Variants in MRE11 observed in about 807,000 individuals in gnomAD.
MRE11 encodes the protein double-strand break repair protein MRE11.
A neutral mutation model predicts 91.7 loss-of-function variants in MRE11; 62 were observed. The ratio of observed to expected loss-of-function variants is 0.68; its 90% CI spans 0.55 to 0.84. The LOEUF (loss-of-function observed/expected upper bound fraction) is 0.84. MRE11 is among the 40% of genes least tolerant of loss of function. The pLI is 0.00. For missense variants in MRE11, 796 were observed against 852.9 expected, an observed-to-expected ratio of 0.93 and a Z score of 0.83; for synonymous variants, 273 against 271.4, an observed-to-expected ratio of 1.01 and a Z score of -0.06.
chr11:94,471,333 C>T (rs988009960), intron 8 of MRE11, among the ~76,000 whole-genome samples: 1 of 151,938 alleles, frequency 6.6e-6, no homozygotes, highest in Non-Finnish European at 1.5e-5. Context: ...AAATGTGCAT[C>T]TTGAATTTGC....
rs7940374 is a variant in MRE11, at chr11:94,416,958, A to G, written c.*3167T>C. On this transcript the variant is annotated 3_prime_UTR_variant, in exon 20 of 20. Transcript: ENST00000323929. ...CGCTTTTAAATTCTATATTTCCAAAAAAGATATTTTACATTTAGATACTTT... is the reference window on the plus strand; with the variant it reads ...CGCTTTTAAATTCTATATTTCCAAAGAAGATATTTTACATTTAGATACTTT... 151,884 of 151,886 alleles carry G rather than the reference A, an allele frequency of 1. 75,941 individuals carry two copies. Among genetic ancestry groups the G allele is most frequent in the Non-Finnish European group, 1 (67,988 of 67,988 alleles). 9.4% of individuals were successfully genotyped at this position (151,886 alleles called of 1,614,324 possible). A position where few individuals can be genotyped will look rare whatever the true frequency, so the allele number is the denominator to read the frequency against.
intron 17 of MRE11, among the ~76,000 whole-genome samples, chr11:94,436,811 G>A (rs1454864680): frequency 6.6e-6 from 1 of 152,182 alleles, no homozygotes; most frequent in Non-Finnish European, 1.5e-5. Flanking sequence ...GGCACAGCTA[G>A]TATTTTGGGA....
chr11:94,426,995 C>T (rs1270777352), intron 19 of MRE11, among the ~76,000 whole-genome samples: 2 of 152,130 alleles, frequency 1.3e-5, no homozygotes, highest in African/African-American at 4.8e-5. Flanking sequence ...ACCAATCCTA[C>T]AGAAATTATT....
chr11:94,475,278 C>T (rs1946821398), intron 7 of MRE11: 1 of 171,110 alleles, frequency 5.8e-6, no homozygotes, highest in East Asian at 1.5e-4. Flanking sequence ...ACAGTATTTA[C>T]ATTGTATCAG....
chr11:94,479,793 T>G (rs1054916236), intron 4 of MRE11, 32 bp from the exon 5 acceptor site: 2 of 1,565,572 alleles, frequency 1.3e-6, no homozygotes, highest in Non-Finnish European at 1.7e-6. Flanking sequence ...AAAATTTCCA[T>G]ACGGGACAAA....
At chr11:94,480,926 T>C (rs529445417) in intron 4 of MRE11, among the ~76,000 whole-genome samples, 1 of 152,344 alleles carries the variant, frequency 6.6e-6, no homozygotes, top group South Asian at 2.1e-4. Context: ...GCACTCAGGA[T>C]TGAGAGTCAC....
chr11:94,468,367 T>C (rs532652658), intron 9 of MRE11, among the ~76,000 whole-genome samples: 1 of 152,186 alleles, frequency 6.6e-6, no homozygotes, highest in South Asian at 2.1e-4. Flanking sequence ...AGGATAAGAT[T>C]ATAACATCTT....
At position 94,418,730 on chromosome 11, in the gene MRE11, A is replaced by T. The variant is rs1311978871; in HGVS notation, c.*1395T>A. 2 of 232,394 alleles carry T rather than the reference A, an allele frequency of 8.6e-6. No individual in the cohort carries two copies. Among genetic ancestry groups the T allele is most frequent in the Non-Finnish European group, 8.5e-6 (1 of 117,544 alleles). 14.4% of individuals were successfully genotyped at this position (232,394 alleles called of 1,614,324 possible). ...TCTGCCTAAGAATATTTCACAGGACAATGCCTTCCACTGAGTTAATGTTAC... is the reference window on the plus strand; with the variant it reads ...TCTGCCTAAGAATATTTCACAGGACTATGCCTTCCACTGAGTTAATGTTAC... On this transcript the variant is annotated 3_prime_UTR_variant, in exon 20 of 20. Coordinates refer to ENST00000323929, the MANE Select transcript of MRE11 (RefSeq NM_005591.4).
At chr11:94,444,574 T>C (rs534250607) in intron 16 of MRE11, among the ~76,000 whole-genome samples, 1 of 152,310 alleles carries the variant, frequency 6.6e-6, no homozygotes, top group South Asian at 2.1e-4. Context: ...GCAAGACTCA[T>C]TAAATGCTGT....
At chr11:94,465,936 T>C (rs1946549543) in intron 10 of MRE11, among the ~76,000 whole-genome samples, 1 of 152,008 alleles carries the variant, frequency 6.6e-6, no homozygotes, top group Admixed American at 6.6e-5. Context: ...AACAGATCAC[T>C]GGAAGCAGAC....
chr11:94,463,967 CAA>C (rs1194619557), intron 11 of MRE11, 144 bp downstream of exon 11: 14 of 878,750 alleles, frequency 1.6e-5, no homozygotes, highest in Non-Finnish European at 2.2e-5. Flanking sequence ...TTTTAGAAGA[CAA>C]GAGAATTATT....
At chr11:94,476,212 A>T in intron 7 of MRE11, 77 bp downstream of exon 7, 1 of 897,118 alleles carries the variant, frequency 1.1e-6, no homozygotes, top group Non-Finnish European at 1.9e-6. Flanking sequence ...AGGGCATTTC[A>T]CTAAAATAGG....
chr11:94,425,488 C>T (rs924543278), intron 19 of MRE11, among the ~76,000 whole-genome samples: 6 of 152,156 alleles, frequency 3.9e-5, no homozygotes, highest in African/African-American at 1.4e-4. Context: ...GGATCGAAAT[C>T]TCATATATCA....
chr11:94,495,563 G>T (rs1947405734), upstream of MRE11, among the ~76,000 whole-genome samples: 1 of 152,168 alleles, frequency 6.6e-6, no homozygotes, highest in Non-Finnish European at 1.5e-5. Context: ...AAATAGAGTT[G>T]AGAGGCTGGG....
upstream of MRE11, among the ~76,000 whole-genome samples, chr11:94,494,838 G>C (rs972855253): frequency 5.3e-5 from 8 of 152,268 alleles, no homozygotes; most frequent in Middle Eastern, 3.4e-3. Flanking sequence ...TACTATATTT[G>C]ATATAATTAC....
In MRE11 at chr11:94,419,438, AG is replaced by A. The variant is rs1945106381; in HGVS notation, c.*686del. ...AAAGAGAAGAAAAAGCAAAGGAGAA[AG>A]GAAGAGTGGGGAACGGGGGGGAGAG... On this transcript the variant is annotated 3_prime_UTR_variant, in exon 20 of 20. Coordinates refer to ENST00000323929, the MANE Select transcript of MRE11 (RefSeq NM_005591.4). 4.5e-6 allele frequency: 1 copy of A among 221,928 alleles called. No homozygotes were observed. 13.7% of individuals were successfully genotyped at this position (221,928 alleles called of 1,614,324 possible).
rs148637964 is a variant in MRE11, at chr11:94,445,866, C to T, written c.1811G>A (p.Arg604His). The change falls in exon 16 of 20, where the codon CGT becomes CAT. Residue 604 changes from arginine to histidine, a missense_variant. By Grantham distance (29) the Arg-to-His change is conservative. Coordinates refer to ENST00000323929, the MANE Select transcript of MRE11 (RefSeq NM_005591.4). ...RADTGLETST[R>H]SRNSKTAVSA... ...CACAGCAGTCTTTGAGTTCCTGCTA[C>T]GGGTAGAAGTCTCCAGACCAGTGTC... 698 of 1,613,616 alleles carry T rather than the reference C, an allele frequency of 4.3e-4. 2 individuals are homozygous for T. Among genetic ancestry groups the T allele is most frequent in the Non-Finnish European group, 5.1e-4 (607 of 1,179,680 alleles).
At chr11:94,454,957 A>G (rs1168568895) in intron 14 of MRE11, among the ~76,000 whole-genome samples, 1 of 152,228 alleles carries the variant, frequency 6.6e-6, no homozygotes, top group Non-Finnish European at 1.5e-5. Context: ...TAGAAATATA[A>G]TAAACGTGTT....
rs1555008940 is a variant in MRE11 at position 94,458,198 on chromosome 11, T to TA, written c.1500+1209dup. Among the ~76,000 whole-genome samples the TA allele has an allele frequency of 2.0e-3, 301 of 151,632 alleles. 2 individuals are homozygous for TA. The highest frequency in any genetic ancestry group is 6.9e-3 in the African/African-American group (286 of 41,328). ...AGGGAATGAGTTTTTTTTTTTTTTTTAAATAACATTGTTTTGTTCTTCTGC... is the reference window on the plus strand; with the variant it reads ...AGGGAATGAGTTTTTTTTTTTTTTTTAAAATAACATTGTTTTGTTCTTCTGC... On this transcript the variant is annotated intron_variant, in intron 13 of 19. Transcript: ENST00000323929.
Sources: gnomAD v4.1 joint callset for allele counts (sites outside exome capture counted in the v4.1 genomes callset) on GRCh38, gnomAD v4.1.1 for gene constraint, MANE v1.5 for transcripts, NCBI Gene and HGNC (gene_info 2026-07-23, HGNC 2026-07-21) for gene names.